Variants in RNF13 observed in about 807,000 individuals in gnomAD.
The protein encoded by RNF13 is ring finger protein 13.
Under a neutral mutation model 37.7 loss-of-function variants are expected in RNF13, and 19 were observed. The observed-to-expected ratio is 0.50, with a 90% CI of 0.35 to 0.74. The LOEUF is 0.74. RNF13 is among the 30% of genes least tolerant of loss of function. The probability of loss-of-function intolerance (pLI) is 0.01; values close to 1 mark genes in which losing one functional copy is unlikely to be tolerated. For missense variants in RNF13, 375 were observed against 453.0 expected (o/e 0.83, Z 1.56); for synonymous variants, 144 against 157.8 (o/e 0.91, Z 0.65).
intron 8 of RNF13, among the ~76,000 whole-genome samples, chr3:149,957,765 T>C (rs533069685): frequency 1.3e-5 from 2 of 152,318 alleles, no homozygotes; most frequent in African/African-American, 4.8e-5. Context: ...ACAACCCTAA[T>C]ACATAATTAT....
chr3:149,954,616 T>A (rs531181998), intron 8 of RNF13, among the ~76,000 whole-genome samples: 2 of 152,312 alleles, frequency 1.3e-5, no homozygotes, highest in East Asian at 3.9e-4. Flanking sequence ...GAATATAGTA[T>A]CTGTAAACTT....
At chr3:149,901,752 ATCTT>A (rs1224670700) in intron 5 of RNF13, among the ~76,000 whole-genome samples, 1 of 152,210 alleles carries the variant, frequency 6.6e-6, no homozygotes, top group Non-Finnish European at 1.5e-5. Context: ...AAATTTCTTC[ATCTT>A]TCTTCTCTAA....
At chr3:149,837,280 T>A (rs190318223) in intron 1 of RNF13, among the ~76,000 whole-genome samples, 2 of 152,346 alleles carry the variant, frequency 1.3e-5, no homozygotes, top group African/African-American at 4.8e-5. Flanking sequence ...AATAGTGTAA[T>A]GAATCTCAAT....
intron 2 of RNF13, among the ~76,000 whole-genome samples, chr3:149,849,750 A>T (rs538888282): frequency 1.3e-5 from 2 of 152,288 alleles, no homozygotes; most frequent in African/African-American, 4.8e-5. Flanking sequence ...TGTTGTTAGG[A>T]TTAAATAAAT....
At chr3:149,892,628 G>A (rs190947985) in intron 4 of RNF13, among the ~76,000 whole-genome samples, 72 of 152,318 alleles carry the variant, frequency 4.7e-4, no homozygotes, top group African/African-American at 1.7e-3. Flanking sequence ...TGTCAGATCA[G>A]TGGTGCATTA....
intron 4 of RNF13, among the ~76,000 whole-genome samples, chr3:149,874,585 T>C (rs553153377): frequency 2.0e-5 from 3 of 152,216 alleles, no homozygotes; most frequent in South Asian, 4.1e-4. Context: ...TTAAATAGAA[T>C]AAGGGTAAAG....
At chr3:149,930,622 T>C (rs1204334366) in intron 8 of RNF13, among the ~76,000 whole-genome samples, 1 of 152,206 alleles carries the variant, frequency 6.6e-6, no homozygotes, top group Non-Finnish European at 1.5e-5. Context: ...CTGGAAGAAA[T>C]TGTAAAGAAT....
At chr3:149,959,303 C>T (rs557075671) in intron 8 of RNF13, among the ~76,000 whole-genome samples, 1 of 151,994 alleles carries the variant, frequency 6.6e-6, no homozygotes, top group Non-Finnish European at 1.5e-5. Flanking sequence ...TGCGAGACTC[C>T]GTCTCCAAAA....
At chr3:149,842,811 C>G (rs1722303697) in intron 1 of RNF13, among the ~76,000 whole-genome samples, 1 of 152,036 alleles carries the variant, frequency 6.6e-6, no homozygotes, top group Admixed American at 6.5e-5. Flanking sequence ...CGTATGGAAA[C>G]CCAATGTGTG....
chr3:149,921,217 A>C lies in RNF13; in HGVS notation c.690A>C (p.Lys230Asn), dbSNP rs769789166. 7.2e-7 allele frequency: 1 copy of C among 1,382,706 alleles called. No individual in the cohort carries two copies. The highest frequency in any genetic ancestry group is 9.7e-7 in the Non-Finnish European group (1 of 1,034,618). 85.7% of individuals were successfully genotyped at this position (1,382,706 alleles called of 1,614,324 possible). A position where few individuals can be genotyped will look rare whatever the true frequency, so the allele number is the denominator to read the frequency against. ...KDQLKKLPVH[K>N]FKKGDEYDVC... ...AACTTAAGAAACTTCCTGTACATAA[A>C]TTCAAGAAAGGTAAGTATTTGTTTT... The change falls in exon 8 of 10, where the codon AAA becomes AAC. Residue 230 changes from lysine (K) to asparagine (N), a missense_variant. Transcript: ENST00000392894.
chr3:149,925,579 T>C (rs1233824158), intron 8 of RNF13, among the ~76,000 whole-genome samples: 1 of 152,246 alleles, frequency 6.6e-6, no homozygotes, highest in Non-Finnish European at 1.5e-5. Context: ...ACTTTCATTC[T>C]GTCTTTTAAA....
chr3:149,861,508 G>A (rs1724252559), intron 3 of RNF13, among the ~76,000 whole-genome samples: 1 of 152,176 alleles, frequency 6.6e-6, no homozygotes, highest in Non-Finnish European at 1.5e-5. Flanking sequence ...ATTATGTCAA[G>A]TGGAATTATA....
At chr3:149,958,943 T>A (rs1278412789) in intron 8 of RNF13, among the ~76,000 whole-genome samples, 1 of 152,208 alleles carries the variant, frequency 6.6e-6, no homozygotes, top group Non-Finnish European at 1.5e-5. Context: ...AATGTGTGTT[T>A]TAAATGACTA....
intron 8 of RNF13, among the ~76,000 whole-genome samples, chr3:149,950,252 C>T (rs1176587799): frequency 1.3e-5 from 2 of 149,524 alleles, no homozygotes; most frequent in African/African-American, 4.9e-5. Context: ...AATTCCTGAT[C>T]CGATAATTCC....
chr3:149,947,458 G>A (rs550013976), intron 8 of RNF13, among the ~76,000 whole-genome samples: 116 of 151,430 alleles, frequency 7.7e-4, no homozygotes, highest in African/African-American at 2.7e-3. Flanking sequence ...AAGCTTGAGC[G>A]AAGTGGTGCA....
intron 4 of RNF13, among the ~76,000 whole-genome samples, chr3:149,877,996 T>G (rs1712943656): frequency 6.6e-6 from 1 of 152,082 alleles, no homozygotes; most frequent in Non-Finnish European, 1.5e-5. Context: ...AAAGCAAAAT[T>G]CCCTTCTTTT....
chr3:149,902,309 G>C (rs185940777), intron 6 of RNF13, 147 bp downstream of exon 6: 85 of 444,214 alleles, frequency 1.9e-4, no homozygotes, highest in African/African-American at 1.7e-3. Context: ...CTTTTAAGAC[G>C]TAGTATTTTA....
Position 149,864,366 on chromosome 3 carries a change from G to A in RNF13, c.196-7663G>A, listed in dbSNP as rs543649183. On this transcript the variant is annotated intron_variant, in intron 3 of 9. Coordinates refer to ENST00000392894, the MANE Select transcript of RNF13 (RefSeq NM_183381.3). Reference sequence around the variant, plus strand: ...CAGGCCATCAGAAACAGATGCTGGTGCCATGCCTTTTGTGTGTGTGTGTAT... The same window carrying A: ...CAGGCCATCAGAAACAGATGCTGGTACCATGCCTTTTGTGTGTGTGTGTAT... Among the ~76,000 whole-genome samples, 8 of 152,170 alleles carry A rather than the reference G, an allele frequency of 5.3e-5. No homozygotes were observed. The South Asian group carries it at 1.7e-3, about 32-fold the overall frequency.
At chr3:149,864,714 A>T (rs1291486209) in intron 3 of RNF13, among the ~76,000 whole-genome samples, 18 of 152,226 alleles carry the variant, frequency 1.2e-4, no homozygotes, top group Non-Finnish European at 1.0e-4. Flanking sequence ...TGAAGGTTAT[A>T]GTCATTAAAT....
Sources: allele counts gnomAD v4.1 joint callset (sites outside exome capture counted in the v4.1 genomes callset), GRCh38; gene constraint gnomAD v4.1.1; transcripts MANE v1.5; gene names NCBI Gene and HGNC (gene_info 2026-07-23, HGNC 2026-07-21).